MIA2: variants seen among roughly 807,000 people sequenced by gnomAD.
The protein encoded by MIA2 is MIA SH3 domain ER export factor 2, also known as melanoma inhibitory activity protein 2.
MIA2 carries 127 observed loss-of-function variants against 167.8 expected under a neutral mutation model. That is an observed-to-expected ratio of 0.76 (90% CI 0.66 to 0.88). The LOEUF is 0.88. Ranked by LOEUF, MIA2 falls within the 40% of genes least tolerant of loss-of-function variation. MIA2 has a pLI of 0.00. For synonymous variants in MIA2, 552 were observed against 541.9 expected, an observed-to-expected ratio of 1.02 and a Z score of -0.26; for missense variants, 1,690 against 1,624.7, an observed-to-expected ratio of 1.04 and a Z score of -0.69.
chr14:39,256,787 T>C (rs2054834870), intron 6 of MIA2, among the ~76,000 whole-genome samples: 1 of 151,846 alleles, frequency 6.6e-6, no homozygotes, highest in East Asian at 1.9e-4. Flanking sequence ...AAAGAAAATA[T>C]AGAACAAGCC....
intron 5 of MIA2, 31 bp downstream of exon 5, chr14:39,252,997 A>G (rs2054645402): frequency 1.3e-6 from 2 of 1,565,778 alleles, no homozygotes; most frequent in Non-Finnish European, 1.7e-6. Context: ...TCTCTAATGC[A>G]TCAATTAAGG....
chr14:39,348,874 A>AG lies in MIA2; in HGVS notation c.3971dup (p.Pro1325ThrfsTer61), dbSNP rs1567027071. The AG allele has an allele frequency of 6.2e-7, 1 of 1,614,128 alleles. No homozygotes were observed. The highest frequency in any genetic ancestry group is 8.5e-7 in the Non-Finnish European group (1 of 1,180,016). On this transcript the variant is annotated frameshift_variant, in exon 28 of 29. Coordinates refer to ENST00000640607, the MANE Select transcript of MIA2 (RefSeq NM_001329214.4). LOFTEE classifies it high-confidence loss of function. Reference sequence around the variant, plus strand: ...ATGCAAGAGGCCCATTCTTGAGAAGAGGACCTCCTTTCCCCCCACCTCCTC... The same window carrying AG: ...ATGCAAGAGGCCCATTCTTGAGAAGAGGGACCTCCTTTCCCCCCACCTCCTC...
intron 16 of MIA2, 98 bp downstream of exon 16, chr14:39,303,622 C>A: frequency 2.6e-6 from 2 of 778,352 alleles, no homozygotes; most frequent in Non-Finnish European, 4.2e-6. Context: ...TTTTATTGTT[C>A]CCATATAAAT....
chr14:39,259,912 A>G (rs1294702992), intron 6 of MIA2, among the ~76,000 whole-genome samples: 1 of 151,774 alleles, frequency 6.6e-6, no homozygotes, highest in Non-Finnish European at 1.5e-5. Context: ...TCTGTGTCCA[A>G]GCGTTCTCAT....
chr14:39,374,685 T>C (rs929171699), intron 23 of MIA2, among the ~76,000 whole-genome samples: 8 of 152,216 alleles, frequency 5.3e-5, no homozygotes, highest in Non-Finnish European at 1.0e-4. Context: ...CCTCTTCCTA[T>C]CAAGGTATGT....
intron 4 of MIA2, among the ~76,000 whole-genome samples, chr14:39,252,018 T>C (rs72673387): frequency 0.07 from 10,672 of 152,028 alleles, 394 homozygotes; most frequent in African/African-American, 0.096. Context: ...ACAGAATTGT[T>C]GACAGTTATG....
At chr14:39,387,560 T>A (rs1324878560) in exon 24 of MIA2, 1 of 152,334 alleles carries the variant, frequency 6.6e-6, no homozygotes, top group African/African-American at 2.4e-5. Flanking sequence ...AATTTACTCC[T>A]GGTGAAGATG....
intron 23 of MIA2, among the ~76,000 whole-genome samples, chr14:39,371,539 C>A (rs1357481702): frequency 1.3e-5 from 2 of 151,988 alleles, no homozygotes; most frequent in East Asian, 1.9e-4. Context: ...ACAAACTAAA[C>A]CTCCTGCTTT....
chr14:39,307,215 C>A (rs1270533616), intron 17 of MIA2, among the ~76,000 whole-genome samples: 1 of 151,818 alleles, frequency 6.6e-6, no homozygotes, highest in East Asian at 1.9e-4. Flanking sequence ...TTATTCATCA[C>A]CTGGAAATAG....
Position 39,325,589 on chromosome 14 carries a change from G to A in MIA2, c.3497-1275G>A, listed in dbSNP as rs573440322. Among the ~76,000 whole-genome samples, 342 of 151,070 alleles carry A rather than the reference G, an allele frequency of 2.3e-3. 2 individuals are homozygous for A. The highest frequency in any genetic ancestry group is 3.5e-3 in the Middle Eastern group (1 of 288). ...TCACCTTGTTAGCCAGGATGGTCTCGATCTCCTGACCTTGTGACCCGCCCG... is the reference window on the plus strand; with the variant it reads ...TCACCTTGTTAGCCAGGATGGTCTCAATCTCCTGACCTTGTGACCCGCCCG... On this transcript the variant is annotated intron_variant, in intron 24 of 28. Coordinates refer to ENST00000640607, the MANE Select transcript of MIA2 (RefSeq NM_001329214.4).
chr14:39,273,268 T>C (rs1007840143), intron 6 of MIA2, among the ~76,000 whole-genome samples: 8 of 150,646 alleles, frequency 5.3e-5, no homozygotes, highest in African/African-American at 2.0e-4. Context: ...TCTTTAAGTA[T>C]GATGTTAACT....
At chr14:39,352,735 A>G (rs993914410), downstream of MIA2, among the ~76,000 whole-genome samples, 1 of 152,208 alleles carries the variant, frequency 6.6e-6, no homozygotes, top group African/African-American at 2.4e-5. Context: ...TTTTTAAATT[A>G]CATTTTTAAG....
intron 23 of MIA2, among the ~76,000 whole-genome samples, chr14:39,384,887 C>T (rs1449975605): frequency 4.6e-5 from 7 of 152,198 alleles, no homozygotes; most frequent in Non-Finnish European, 8.8e-5. Flanking sequence ...GATTCCTTAA[C>T]TCATTGTCTG....
chr14:39,385,816 A>G, intron 23 of MIA2: 1 of 923,136 alleles, frequency 1.1e-6, no homozygotes, highest in Non-Finnish European at 1.8e-6. Context: ...GCTTCTATTT[A>G]CAACACAGGA....
chr14:39,264,671 C>T (rs1372044135), intron 6 of MIA2, among the ~76,000 whole-genome samples: 1 of 152,186 alleles, frequency 6.6e-6, no homozygotes, highest in Non-Finnish European at 1.5e-5. Context: ...TCTTACATCA[C>T]TAGTACAGAG....
chr14:39,314,625 T>A (rs2064995574), intron 19 of MIA2, 114 bp from the exon 20 acceptor site: 1 of 475,388 alleles, frequency 2.1e-6, no homozygotes, highest in African/African-American at 2.0e-5. Context: ...TTTTTTTTTT[T>A]TTTTCATGAA....
rs910115419 is a variant in MIA2, at chr14:39,286,045, C to T, written c.2131-4974C>T. ...GCTCTTCACTTCCCAGACGGGGTGG[C>T]GGCTGGGCAGAGGCTGCAATCTCAG... On this transcript the variant is annotated intron_variant, in intron 9 of 28. Transcript: ENST00000640607. Among the ~76,000 whole-genome samples, 10 of 152,150 alleles carry T rather than the reference C, an allele frequency of 6.6e-5. No homozygotes were observed. The East Asian group carries it at 1.5e-3, about 24-fold the overall frequency.
At chr14:39,244,310 G>C (rs1264631622) in intron 3 of MIA2, among the ~76,000 whole-genome samples, 1 of 152,204 alleles carries the variant, frequency 6.6e-6, no homozygotes, top group East Asian at 1.9e-4. Context: ...AGACTGAGAG[G>C]TGGAGAATAG....
chr14:39,356,503 A>G (rs1049570389), intron 23 of MIA2, among the ~76,000 whole-genome samples: 8 of 152,144 alleles, frequency 5.3e-5, no homozygotes, highest in African/African-American at 1.9e-4. Context: ...TCAAAAAACT[A>G]GCTCCTGGAT....
Sources: gnomAD v4.1 joint callset for allele counts (sites outside exome capture counted in the v4.1 genomes callset) on GRCh38, gnomAD v4.1.1 for gene constraint, MANE v1.5 for transcripts, NCBI Gene and HGNC (gene_info 2026-07-23, HGNC 2026-07-21) for gene names.